LY96: variants seen among roughly 807,000 people sequenced by gnomAD.
LY96 encodes the protein lymphocyte antigen 96, also known as myeloid differentiation protein-2.
In LY96, 18 loss-of-function variants were observed where a neutral mutation model predicts 18.9. The ratio of observed to expected loss-of-function variants is 0.95; its 90% CI spans 0.66 to 1.41. The LOEUF (loss-of-function observed/expected upper bound fraction) is 1.41. Among genes scored for constraint, LY96 ranks in the 40% most tolerant of loss-of-function variants. The probability of loss-of-function intolerance (pLI) is 0.00; values close to 1 mark genes in which losing one functional copy is unlikely to be tolerated. For missense variants in LY96, 175 were observed against 182.4 expected (o/e 0.96, Z 0.23); for synonymous variants, 66 against 62.6 (o/e 1.06, Z -0.26).
downstream of LY96, among the ~76,000 whole-genome samples, chr8:74,033,222 G>A (rs1024992212): frequency 2.0e-5 from 3 of 152,084 alleles, no homozygotes; most frequent in African/African-American, 7.2e-5. Context: ...GGGATTAAAA[G>A]AGCTCACCCC....
chr8:73,996,362 TTCCTTCATTC>T (rs1563707706), intron 1 of LY96, among the ~76,000 whole-genome samples: 63 of 133,888 alleles, frequency 4.7e-4, no homozygotes, highest in African/African-American at 1.8e-3. Context: ...CCTTCCTTCC[TTCCTTCATTC>T]CTTTCTTTCT....
Position 74,007,489 on chromosome 8 carries a change from A to G in LY96, c.203-2512A>G, listed in dbSNP as rs199627552. Among the ~76,000 whole-genome samples the G allele has an allele frequency of 2.4e-4, 36 of 152,356 alleles. No individual in the cohort carries two copies. The East Asian group carries it at 6.6e-3, about 28-fold the overall frequency. On this transcript the variant is annotated intron_variant, in intron 2 of 4. Transcript: ENST00000284818. ...ATGTTGGTATAAAGTGTGAGGCCAC[A>G]TTCATGGAAATCAACCTTATTTTTA...
the LY96 span, among the ~76,000 whole-genome samples, chr8:74,036,632 C>T: frequency 6.6e-6 from 1 of 152,090 alleles, no homozygotes; most frequent in Admixed American, 6.6e-5. Context: ...TTCCTTAGCC[C>T]CCAGCCCACC....
chr8:74,074,149 C>T, the LY96 span, among the ~76,000 whole-genome samples: 2 of 152,034 alleles, frequency 1.3e-5, no homozygotes, highest in African/African-American at 4.8e-5. Flanking sequence ...AGTCTCCTAC[C>T]ACCATGTTCA....
the LY96 span, among the ~76,000 whole-genome samples, chr8:74,087,888 G>A: frequency 2.6e-5 from 4 of 151,958 alleles, no homozygotes; most frequent in African/African-American, 9.7e-5. Context: ...TTGTCTTTAT[G>A]GGTCTTCCTC....
chr8:74,058,431 A>G, the LY96 span, among the ~76,000 whole-genome samples: 1 of 152,196 alleles, frequency 6.6e-6, no homozygotes, highest in African/African-American at 2.4e-5. Flanking sequence ...ATTTAAGTTT[A>G]CTAGAGAATG....
chr8:74,048,520 C>T, the LY96 span, among the ~76,000 whole-genome samples: 2 of 152,126 alleles, frequency 1.3e-5, no homozygotes, highest in African/African-American at 2.4e-5. Context: ...TGTTGGGCTC[C>T]CTAGCATGCT....
the LY96 span, among the ~76,000 whole-genome samples, chr8:74,070,809 T>C: frequency 1.8e-4 from 27 of 151,904 alleles, no homozygotes; most frequent in Non-Finnish European, 3.5e-4. Context: ...ACACAAGGGG[T>C]TTTTATTTTC....
At position 74,018,919 on chromosome 8, in the gene LY96, A is replaced by C. The variant is rs376629826; in HGVS notation, c.332-7870A>C. ...TACCAGAATCTCTGGGACACATTTAAATCAGTGTGTAGAGGGAAATTTATA... is the reference window on the plus strand; with the variant it reads ...TACCAGAATCTCTGGGACACATTTACATCAGTGTGTAGAGGGAAATTTATA... On this transcript the variant is annotated intron_variant, in intron 3 of 4. Transcript: ENST00000284818. Among the ~76,000 whole-genome samples, 9 of 152,220 alleles carry C rather than the reference A, an allele frequency of 5.9e-5. No individual in the cohort carries two copies. In the East Asian group the frequency reaches 1.2e-3, roughly 20 times the overall value.
intron 3 of LY96, among the ~76,000 whole-genome samples, chr8:74,016,575 C>A (rs186987433): frequency 1.2e-4 from 18 of 152,346 alleles, no homozygotes; most frequent in Non-Finnish European, 2.4e-4. Flanking sequence ...GGGTCCCTGA[C>A]CCCTGTGTAG....
Position 74,029,064 on chromosome 8 carries a change from A to C in LY96, c.*10A>C. On this transcript the variant is annotated 3_prime_UTR_variant, in exon 5 of 5. Coordinates refer to ENST00000284818, the MANE Select transcript of LY96 (RefSeq NM_015364.5). ...ACCTAATTCAAATTAGAATAAATTG[A>C]GTATTTAAAAAAAAATTTAAAGGTA... The C allele has an allele frequency of 6.5e-7, 1 of 1,532,654 alleles. No individual in the cohort carries two copies. The highest frequency in any genetic ancestry group is 1.1e-5 in the South Asian group (1 of 88,836). 94.9% of individuals were successfully genotyped at this position (1,532,654 alleles called of 1,614,324 possible). A position where few individuals can be genotyped will look rare whatever the true frequency, so the allele number is the denominator to read the frequency against.
chr8:74,057,939 G>A, the LY96 span, among the ~76,000 whole-genome samples: 60 of 152,294 alleles, frequency 3.9e-4, no homozygotes, highest in Admixed American at 1.9e-3. Flanking sequence ...GTAGAAAAGG[G>A]TTCCAGCTAG....
chr8:74,059,348 A>G, the LY96 span, among the ~76,000 whole-genome samples: 3 of 152,230 alleles, frequency 2.0e-5, no homozygotes, highest in Non-Finnish European at 2.9e-5. Flanking sequence ...AAAAATCCCA[A>G]CATTATTGTG....
intron 3 of LY96, among the ~76,000 whole-genome samples, chr8:74,024,407 A>T (rs1464596407): frequency 6.6e-6 from 1 of 151,556 alleles, no homozygotes; most frequent in Admixed American, 6.6e-5. Flanking sequence ...AGGTATGAAT[A>T]TGTTATTATT....
the LY96 span, among the ~76,000 whole-genome samples, chr8:74,037,085 T>C: frequency 6.6e-6 from 1 of 152,198 alleles, no homozygotes; most frequent in Non-Finnish European, 1.5e-5. Flanking sequence ...GTACAACACA[T>C]TTCTACTCTA....
At chr8:74,055,154 C>T in the LY96 span, among the ~76,000 whole-genome samples, 14 of 152,258 alleles carry the variant, frequency 9.2e-5, no homozygotes, top group East Asian at 5.8e-4. Flanking sequence ...GCAATCTTCT[C>T]GCCTTAGCCT....
intron 3 of LY96, among the ~76,000 whole-genome samples, chr8:74,025,117 G>A (rs185451967): frequency 1.1e-3 from 174 of 152,276 alleles, no homozygotes; most frequent in Non-Finnish European, 1.7e-3. Flanking sequence ...ATGAGCCACC[G>A]CTCACAGCTG....
the LY96 span, among the ~76,000 whole-genome samples, chr8:74,080,980 CTCTCTCTTTCTTTCTTTCTTTCTTTCTT>C: frequency 1.6e-5 from 2 of 126,748 alleles, no homozygotes; most frequent in African/African-American, 7.1e-5. Context: ...TTCTTTCTTT[CTCTCTCTTTCTTTCTTTCTTTCTTTCTT>C]TCTTTCTTTC....
chr8:74,085,745 T>C, the LY96 span, among the ~76,000 whole-genome samples: 3 of 152,154 alleles, frequency 2.0e-5, no homozygotes, highest in African/African-American at 7.2e-5. Context: ...CCAACTTCAT[T>C]GCGGTATAAT....
Sources: gnomAD v4.1 joint callset for allele counts (sites outside exome capture counted in the v4.1 genomes callset) on GRCh38, gnomAD v4.1.1 for gene constraint, MANE v1.5 for transcripts, NCBI Gene and HGNC (gene_info 2026-07-23, HGNC 2026-07-21) for gene names.